TTC28: variants seen among roughly 807,000 people sequenced by gnomAD.
TTC28 encodes tetratricopeptide repeat domain 28.
Under a neutral mutation model 198.0 loss-of-function variants are expected in TTC28, and 61 were observed. The ratio of observed to expected loss-of-function variants is 0.31; its 90% CI spans 0.25 to 0.38. The LOEUF (loss-of-function observed/expected upper bound fraction) is 0.38, where lower values mean the gene tolerates loss of function less well. TTC28 is among the 10% of genes least tolerant of loss of function. The probability of loss-of-function intolerance (pLI) is 1.00; values close to 1 mark genes in which losing one functional copy is unlikely to be tolerated. For synonymous variants in TTC28, 1,171 were observed against 1,297.8 expected (o/e 0.90, Z 2.10); for missense variants, 2,678 against 3,164.0 (o/e 0.85, Z 3.69).
At chr22:28,097,689 A>G (rs1226426603) in intron 10 of TTC28, among the ~76,000 whole-genome samples, 1 of 152,248 alleles carries the variant, frequency 6.6e-6, no homozygotes, top group Non-Finnish European at 1.5e-5. Context: ...AAGAAAGCAG[A>G]CAGAAGCAGA....
At chr22:28,428,732 G>A (rs372795333) in intron 2 of TTC28, among the ~76,000 whole-genome samples, 4 of 151,624 alleles carry the variant, frequency 2.6e-5, no homozygotes, top group South Asian at 2.1e-4. Flanking sequence ...TCCGCCTCCC[G>A]GGATCACGCC....
At position 28,335,623 on chromosome 22, in the gene TTC28, G is replaced by C. The variant is rs549573382; in HGVS notation, c.382-28980C>G. ...CAATTGTGAATGGGAGTTCACTCAT[G>C]ATTTGGCTCTCTGTTTGTCTGTTAT... On this transcript the variant is annotated intron_variant, in intron 2 of 22. Coordinates refer to ENST00000397906, the MANE Select transcript of TTC28 (RefSeq NM_001145418.2). 3.2e-4 allele frequency among the ~76,000 whole-genome samples: 49 copies of C among 152,280 alleles called. No homozygotes were observed. The East Asian group carries it at 8.9e-3, about 28-fold the overall frequency.
intron 6 of TTC28, among the ~76,000 whole-genome samples, chr22:28,128,325 C>CA (rs201484974): frequency 0.04 from 5,803 of 146,172 alleles, 383 homozygotes; most frequent in African/African-American, 0.14. Context: ...CTCAAAAAAA[C>CA]AAAAAAAAAA....
At chr22:28,415,321 A>C (rs528331139) in intron 2 of TTC28, among the ~76,000 whole-genome samples, 2 of 152,304 alleles carry the variant, frequency 1.3e-5, no homozygotes, top group African/African-American at 4.8e-5. Flanking sequence ...CCTTGGAGGC[A>C]TGCAGGTAAG....
chr22:28,163,147 G>A lies in TTC28; in HGVS notation c.1386C>T (p.Gly462=). 1 of 1,551,686 alleles carries A rather than the reference G, an allele frequency of 6.4e-7. No homozygotes were observed. The highest frequency in any genetic ancestry group is 8.7e-7 in the Non-Finnish European group (1 of 1,146,996). Residue 462 remains glycine, a synonymous_variant, in exon 6 of 23, where the codon GGC becomes GGT. Transcript: ENST00000397906. Reference sequence around the variant, plus strand: ...CCCGGTCCTTGAGATCCTCAGCAATGCCCAGCTGCTGCTCATGGTATTGTT... The same window carrying A: ...CCCGGTCCTTGAGATCCTCAGCAATACCCAGCTGCTGCTCATGGTATTGTT... The part of the protein sequence containing the change: ...RAKQYHEQQL[G]IAEDLKDRAA...
rs569130789 is a variant in TTC28, at chr22:28,029,366, C to CA, written c.4073+859dup. Among the ~76,000 whole-genome samples the CA allele has an allele frequency of 1.8e-4, 28 of 152,312 alleles. 1 individual carries two copies. In the South Asian group the frequency reaches 5.8e-3, roughly 32 times the overall value. On this transcript the variant is annotated intron_variant, in intron 13 of 22. Coordinates refer to ENST00000397906, the MANE Select transcript of TTC28 (RefSeq NM_001145418.2). ...CAGACAGGGCGCACAATGCCCTGCA[C>CA]AGCAGGGCTGCCAAGCAGAGGCTGC...
At chr22:28,478,223 C>A (rs2048191635) in intron 2 of TTC28, among the ~76,000 whole-genome samples, 8 of 152,004 alleles carry the variant, frequency 5.3e-5, no homozygotes, top group Admixed American at 5.2e-4. Context: ...TTTTAAAAGT[C>A]CTGTCCAGGT....
chr22:28,326,048 C>T (rs1038730639), intron 2 of TTC28, among the ~76,000 whole-genome samples: 1 of 152,088 alleles, frequency 6.6e-6, no homozygotes, highest in African/African-American at 2.4e-5. Flanking sequence ...TATAGCAGCT[C>T]TATTCATAAT....
intron 2 of TTC28, among the ~76,000 whole-genome samples, chr22:28,464,043 A>G (rs181275823): frequency 4.6e-5 from 7 of 152,336 alleles, no homozygotes; most frequent in Admixed American, 3.9e-4. Flanking sequence ...ATACCTGCCA[A>G]TGTCAACCCT....
chr22:28,520,268 T>G (rs1327693174), intron 2 of TTC28, among the ~76,000 whole-genome samples: 1 of 152,246 alleles, frequency 6.6e-6, no homozygotes, highest in Non-Finnish European at 1.5e-5. Context: ...TGAACTAACA[T>G]CTGGGAAGTG....
intron 2 of TTC28, among the ~76,000 whole-genome samples, chr22:28,547,202 ATG>A (rs148933625): frequency 4.1e-4 from 61 of 149,656 alleles, no homozygotes; most frequent in African/African-American, 1.4e-3. Context: ...GCATGTGTGT[ATG>A]TGTGTGTGTG....
intron 13 of TTC28, chr22:28,028,854 AC>A (rs1284291594): frequency 2.6e-6 from 1 of 379,554 alleles, no homozygotes; most frequent in African/African-American, 2.1e-5. Flanking sequence ...CATTACAGGA[AC>A]CCTGCAGGGT....
chr22:28,655,074 T>G (rs2051622440), intron 1 of TTC28, among the ~76,000 whole-genome samples: 1 of 152,226 alleles, frequency 6.6e-6, no homozygotes, highest in African/African-American at 2.4e-5. Flanking sequence ...GGTTTATTCA[T>G]ATGTATTTGA....
chr22:28,421,292 CAAAT>C (rs1335681372), intron 2 of TTC28, among the ~76,000 whole-genome samples: 1 of 152,092 alleles, frequency 6.6e-6, no homozygotes, highest in Non-Finnish European at 1.5e-5. Context: ...CAAAATTAAA[CAAAT>C]AAAACCACAA....
At chr22:28,647,398 G>C (rs1343517659) in intron 1 of TTC28, among the ~76,000 whole-genome samples, 1 of 152,154 alleles carries the variant, frequency 6.6e-6, no homozygotes, top group African/African-American at 2.4e-5. Context: ...ACTTAAACTA[G>C]TGAGCCTCTG....
At chr22:28,185,864 T>A (rs1924147889) in intron 5 of TTC28, among the ~76,000 whole-genome samples, 1 of 152,132 alleles carries the variant, frequency 6.6e-6, no homozygotes, top group Middle Eastern at 3.2e-3. Flanking sequence ...AAATAACTAA[T>A]AAACAGCAAG....
intron 2 of TTC28, among the ~76,000 whole-genome samples, chr22:28,522,738 T>C (rs538733282): frequency 6.6e-6 from 1 of 152,066 alleles, no homozygotes; most frequent in African/African-American, 2.4e-5. Context: ...TGGACAAACC[T>C]GAAAAACAAT....
chr22:28,659,765 A>C (rs2051713058), intron 1 of TTC28, among the ~76,000 whole-genome samples: 2 of 151,678 alleles, frequency 1.3e-5, no homozygotes, highest in South Asian at 4.2e-4. Flanking sequence ...CTGTCTCTAA[A>C]TCTTTTATTT....
At chr22:28,578,394 G>A (rs919755770) in intron 2 of TTC28, among the ~76,000 whole-genome samples, 6 of 151,902 alleles carry the variant, frequency 3.9e-5, no homozygotes, top group Non-Finnish European at 7.4e-5. Context: ...TTACACCACT[G>A]GCATACAATA....
Sources: gnomAD v4.1 joint callset for allele counts (sites outside exome capture counted in the v4.1 genomes callset) on GRCh38, gnomAD v4.1.1 for gene constraint, MANE v1.5 for transcripts, NCBI Gene and HGNC (gene_info 2026-07-23, HGNC 2026-07-21) for gene names.